MMS22L: variants seen among roughly 807,000 people sequenced by gnomAD.
MMS22L encodes the protein protein MMS22-like.
Under a neutral mutation model 159.1 loss-of-function variants are expected in MMS22L, and 74 were observed. That is an observed-to-expected ratio of 0.47 (90% CI 0.39 to 0.56). The LOEUF is 0.56. Among genes scored for constraint, MMS22L ranks in the 20% least tolerant of loss-of-function variants. MMS22L has a pLI of 0.00. For synonymous variants in MMS22L, 517 were observed against 506.9 expected (o/e 1.02, Z -0.27); for missense variants, 1,351 against 1,422.1 (o/e 0.95, Z 0.80).
In MMS22L at chr6:97,173,062, C is replaced by G. The variant is rs1317273608; in HGVS notation, c.2839+1G>C. The G allele has an allele frequency of 3.1e-6, 5 of 1,608,254 alleles. No individual in the cohort carries two copies. Among genetic ancestry groups the G allele is most frequent in the Non-Finnish European group, 4.2e-6 (5 of 1,178,338 alleles). Reference sequence around the variant, plus strand: ...AGCAAAATAATGCCAGGAATACATACCCATCATTCCATAAGTCAGCTGCAG... The same window carrying G: ...AGCAAAATAATGCCAGGAATACATAGCCATCATTCCATAAGTCAGCTGCAG... On this transcript the variant is annotated splice_donor_variant, in intron 19 of 24. Coordinates refer to ENST00000683635, the MANE Select transcript of MMS22L (RefSeq NM_001350599.2). LOFTEE classifies it high-confidence loss of function.
intron 22 of MMS22L, among the ~76,000 whole-genome samples, chr6:97,161,310 T>A (rs997953233): frequency 6.6e-6 from 1 of 152,064 alleles, no homozygotes. Context: ...CTGATCACAC[T>A]CAGCTGTTAA....
intron 8 of MMS22L, chr6:97,264,173 T>A (rs1480706820): frequency 6.6e-6 from 1 of 152,090 alleles, no homozygotes. Context: ...TTTACAAAAA[T>A]AGGTAATGGG....
In MMS22L at chr6:97,281,237, C is replaced by A; in HGVS notation, c.290G>T (p.Arg97Met). 1 of 1,599,816 alleles carries A rather than the reference C, an allele frequency of 6.3e-7. No individual in the cohort carries two copies. Among genetic ancestry groups the A allele is most frequent in the Non-Finnish European group, 8.5e-7 (1 of 1,176,304 alleles). ...NSSRELFHLF[R>M]QQLYNLETLL... ...ACAGAAAGTTATAACGAAGAAATAC[C>A]TGAATAAATGAAAGAGTTCTCTAGA... The change falls in exon 3 of 25, where the codon AGG becomes ATG. Residue 97 changes from arginine to methionine, a missense_variant and splice_region_variant. Transcript: ENST00000683635.
intron 14 of MMS22L, among the ~76,000 whole-genome samples, chr6:97,192,630 G>C (rs1254306075): frequency 6.6e-6 from 1 of 152,156 alleles, no homozygotes; most frequent in Non-Finnish European, 1.5e-5. Context: ...AAAGATACAA[G>C]CTTTGGAGAC....
intron 14 of MMS22L, among the ~76,000 whole-genome samples, chr6:97,225,703 G>GCTGGGACTA (rs1201731172): frequency 6.6e-6 from 1 of 151,900 alleles, no homozygotes; most frequent in Non-Finnish European, 1.5e-5. Context: ...CTCTCGAGTA[G>GCTGGGACTA]CTGGGACTAC....
intron 10 of MMS22L, chr6:97,253,822 C>T (rs1371484208): frequency 2.6e-5 from 4 of 152,064 alleles, no homozygotes; most frequent in African/African-American, 9.7e-5. Context: ...TAACCACTGC[C>T]ATAAAAAATG....
intron 18 of MMS22L, among the ~76,000 whole-genome samples, chr6:97,177,408 A>T (rs1804235478): frequency 6.6e-6 from 1 of 152,152 alleles, no homozygotes. Context: ...ATAAAGAACT[A>T]CTTCTTTTGA....
upstream of MMS22L, chr6:97,283,368 C>G (rs1455210245): frequency 6.7e-6 from 1 of 149,010 alleles, no homozygotes; most frequent in Non-Finnish European, 1.5e-5. Flanking sequence ...TTGGTGCGTT[C>G]GGCTGAAAGG....
intron 4 of MMS22L, among the ~76,000 whole-genome samples, chr6:97,277,087 G>A (rs750927913): frequency 6.6e-6 from 1 of 152,114 alleles, no homozygotes; most frequent in Non-Finnish European, 1.5e-5. Flanking sequence ...CTAGGCCATG[G>A]TATCCCCTAC....
chr6:97,182,427 C>A (rs1804808561), intron 15 of MMS22L, among the ~76,000 whole-genome samples: 1 of 152,014 alleles, frequency 6.6e-6, no homozygotes, highest in African/African-American at 2.4e-5. Context: ...AGCAAATTTG[C>A]CTGTCATCTG....
Position 97,250,328 on chromosome 6 carries a change from T to C in MMS22L, c.1120-3638A>G, listed in dbSNP as rs566379947. ...CACCCTCCACTTCCAGCAGACTAGGTAGTCTGGTGCAACTCTCATTTTAAG... is the reference window on the plus strand; with the variant it reads ...CACCCTCCACTTCCAGCAGACTAGGCAGTCTGGTGCAACTCTCATTTTAAG... On this transcript the variant is annotated intron_variant, in intron 10 of 24. Transcript: ENST00000683635. Among the ~76,000 whole-genome samples, 4 of 152,276 alleles carry C rather than the reference T, an allele frequency of 2.6e-5. No homozygotes were observed. The South Asian group carries it at 6.2e-4, about 24-fold the overall frequency.
intron 14 of MMS22L, among the ~76,000 whole-genome samples, chr6:97,223,406 C>T (rs137865301): frequency 6.6e-5 from 10 of 152,140 alleles, no homozygotes; most frequent in African/African-American, 2.2e-4. Context: ...CTATATAATC[C>T]ATCTTCCTTA....
intron 9 of MMS22L, chr6:97,261,188 G>GGTAA (rs1814439872): frequency 6.6e-6 from 1 of 152,118 alleles, no homozygotes; most frequent in Admixed American, 6.5e-5. Flanking sequence ...AAAGGCTCGT[G>GGTAA]GTAAGAGCTT....
intron 14 of MMS22L, among the ~76,000 whole-genome samples, chr6:97,208,819 C>T (rs1017224413): frequency 2.0e-5 from 3 of 152,032 alleles, no homozygotes; most frequent in African/African-American, 4.8e-5. Flanking sequence ...ACTTCAAAGT[C>T]CTTCATAATC....
At chr6:97,252,161 C>T (rs1813309343) in intron 10 of MMS22L, among the ~76,000 whole-genome samples, 1 of 151,634 alleles carries the variant, frequency 6.6e-6, no homozygotes, top group East Asian at 1.9e-4. Flanking sequence ...TTCCATATTA[C>T]AATAGCAATG....
intron 14 of MMS22L, among the ~76,000 whole-genome samples, chr6:97,194,205 G>A (rs547189740): frequency 3.9e-5 from 6 of 152,152 alleles, no homozygotes; most frequent in Admixed American, 3.3e-4. Context: ...CTACAGGTGC[G>A]TGCCACCATG....
At chr6:97,156,783 G>C (rs544828056) in intron 22 of MMS22L, among the ~76,000 whole-genome samples, 25 of 152,170 alleles carry the variant, frequency 1.6e-4, no homozygotes, top group Admixed American at 1.5e-3. Flanking sequence ...TTTTTGCTTA[G>C]GATTATCTCG....
Position 97,236,334 on chromosome 6 carries a change from A to G in MMS22L, c.1183-2354T>C, listed in dbSNP as rs996773619. On this transcript the variant is annotated intron_variant, in intron 11 of 24. Transcript: ENST00000683635. ...TGACACTCTTTCTCCAAAAAAAAAA[A>G]AAAAAAAAAGAGAAGTTCTGAAGTA... Among the ~76,000 whole-genome samples the G allele has an allele frequency of 9.2e-5, 14 of 151,974 alleles. No individual in the cohort carries two copies. The East Asian group carries it at 2.7e-3, about 29-fold the overall frequency.
chr6:97,270,087 T>G, intron 6 of MMS22L, 95 bp from the exon 7 acceptor site: 1 of 953,846 alleles, frequency 1.0e-6, no homozygotes, highest in South Asian at 1.5e-5. Flanking sequence ...AACACAAGGA[T>G]AAAGAACCAA....
Sources: gnomAD v4.1 joint callset for allele counts (sites outside exome capture counted in the v4.1 genomes callset) on GRCh38, gnomAD v4.1.1 for gene constraint, MANE v1.5 for transcripts, NCBI Gene and HGNC (gene_info 2026-07-23, HGNC 2026-07-21) for gene names.